Variants in PSD3 observed in about 807,000 individuals in gnomAD.
PSD3 encodes the protein PH and SEC7 domain-containing protein 3.
Under a neutral mutation model 105.5 loss-of-function variants are expected in PSD3, and 49 were observed. That is an observed-to-expected ratio of 0.46 (90% CI 0.37 to 0.59). The LOEUF is 0.59. PSD3 is among the 20% of genes least tolerant of loss of function. PSD3 has a pLI of 0.00. For missense variants in PSD3, 1,561 were observed against 1,263.8 expected, an observed-to-expected ratio of 1.24 and a Z score of -3.57; for synonymous variants, 557 against 457.8, an observed-to-expected ratio of 1.22 and a Z score of -2.77.
chr8:18,619,481 T>C (rs1370495369), intron 11 of PSD3, among the ~76,000 whole-genome samples: 1 of 151,994 alleles, frequency 6.6e-6, no homozygotes, highest in East Asian at 1.9e-4. Context: ...CCACCTCTAC[T>C]AAAAATACAA....
intron 8 of PSD3, among the ~76,000 whole-genome samples, chr8:18,796,697 C>T (rs957844037): frequency 6.6e-6 from 1 of 152,060 alleles, no homozygotes; most frequent in Non-Finnish European, 1.5e-5. Context: ...GGGGAGTCAC[C>T]CCTCCCCTAC....
At chr8:18,896,921 C>T (rs989354791) in intron 2 of PSD3, among the ~76,000 whole-genome samples, 1 of 152,086 alleles carries the variant, frequency 6.6e-6, no homozygotes, top group African/African-American at 2.4e-5. Context: ...AGCAATTCTC[C>T]TACCTCAGCC....
At chr8:18,951,161 GT>G (rs1823213222) in intron 1 of PSD3, among the ~76,000 whole-genome samples, 1 of 152,112 alleles carries the variant, frequency 6.6e-6, no homozygotes, top group South Asian at 2.1e-4. Flanking sequence ...TTGGGAGGCC[GT>G]GGTGGGAAGG....
intron 14 of PSD3, 50 bp from the exon 15 acceptor site, chr8:18,556,402 T>C (rs773091304): frequency 5.8e-6 from 9 of 1,557,880 alleles, no homozygotes; most frequent in Non-Finnish European, 7.9e-6. Flanking sequence ...AACAAGTCAA[T>C]AACAAAGCAC....
chr8:18,942,180 A>C (rs911276451), intron 1 of PSD3, among the ~76,000 whole-genome samples: 3 of 152,126 alleles, frequency 2.0e-5, no homozygotes, highest in African/African-American at 7.2e-5. Flanking sequence ...AATTATTTCA[A>C]CTTCAGTATG....
At chr8:18,750,036 G>A (rs1805344249) in intron 9 of PSD3, among the ~76,000 whole-genome samples, 1 of 152,168 alleles carries the variant, frequency 6.6e-6, no homozygotes, top group African/African-American at 2.4e-5. Flanking sequence ...CTAACCCACA[G>A]AACGATGAGA....
intron 9 of PSD3, among the ~76,000 whole-genome samples, chr8:18,682,121 G>T (rs1800424395): frequency 6.6e-6 from 1 of 152,070 alleles, no homozygotes; most frequent in South Asian, 2.1e-4. Flanking sequence ...TGGTATCTAT[G>T]CTGGATTCCA....
At chr8:18,807,809 G>A (rs1178733644) in intron 4 of PSD3, among the ~76,000 whole-genome samples, 1 of 151,996 alleles carries the variant, frequency 6.6e-6, no homozygotes, top group Non-Finnish European at 1.5e-5. Context: ...TTCCTTTATA[G>A]ACTTAACATT....
chr8:18,876,945 T>C (rs1817769694), intron 2 of PSD3, among the ~76,000 whole-genome samples: 1 of 152,240 alleles, frequency 6.6e-6, no homozygotes. Context: ...GTTGAGCACC[T>C]TGTCATGTGT....
chr8:18,942,832 G>A (rs1822636240), intron 1 of PSD3, among the ~76,000 whole-genome samples: 1 of 152,154 alleles, frequency 6.6e-6, no homozygotes, highest in African/African-American at 2.4e-5. Flanking sequence ...CAGCAGCCTA[G>A]TTAACTATTA....
chr8:18,573,674 A>G (rs1802292148), intron 13 of PSD3, among the ~76,000 whole-genome samples: 1 of 152,218 alleles, frequency 6.6e-6, no homozygotes, highest in African/African-American at 2.4e-5. Context: ...TATGTTAAAT[A>G]AAAGAAGCCA....
At chr8:19,008,880 T>C (rs780837044) in intron 1 of PSD3, among the ~76,000 whole-genome samples, 27 of 152,264 alleles carry the variant, frequency 1.8e-4, no homozygotes, top group Middle Eastern at 6.8e-3. Flanking sequence ...CTCCTTTTCT[T>C]AACAATCTCT....
chr8:18,645,257 A>G (rs1487755), intron 10 of PSD3, among the ~76,000 whole-genome samples: 40,218 of 152,172 alleles, frequency 0.26, 5,657 homozygotes, highest in South Asian at 0.46. Flanking sequence ...CTAACCACTG[A>G]AAATCTTTTT....
chr8:18,538,410 T>C (rs568680125), intron 15 of PSD3, among the ~76,000 whole-genome samples: 1 of 152,196 alleles, frequency 6.6e-6, no homozygotes, highest in African/African-American at 2.4e-5. Context: ...CAAGATAATA[T>C]CCACAGGACA....
intron 9 of PSD3, among the ~76,000 whole-genome samples, chr8:18,710,531 G>A (rs973924277): frequency 6.6e-6 from 1 of 152,004 alleles, no homozygotes; most frequent in African/African-American, 2.4e-5. Context: ...ACAACTCTAA[G>A]ATACCTAATC....
At chr8:18,874,120 T>G (rs2129457927) in intron 2 of PSD3, among the ~76,000 whole-genome samples, 1 of 152,220 alleles carries the variant, frequency 6.6e-6, no homozygotes, top group South Asian at 2.1e-4. Flanking sequence ...TTTTACTTTA[T>G]GAAAGAGGAC....
At chr8:18,709,905 T>C (rs562580129) in intron 9 of PSD3, among the ~76,000 whole-genome samples, 1 of 151,980 alleles carries the variant, frequency 6.6e-6, no homozygotes, top group Non-Finnish European at 1.5e-5. Flanking sequence ...GAAAAAACAC[T>C]GAAAATTAAA....
intron 8 of PSD3, among the ~76,000 whole-genome samples, chr8:18,782,569 G>A (rs989762053): frequency 6.6e-6 from 1 of 152,164 alleles, no homozygotes; most frequent in African/African-American, 2.4e-5. Context: ...GGCAACTCTG[G>A]GATGGATATG....
At chr8:18,851,636 G>C (rs921369975) in intron 4 of PSD3, among the ~76,000 whole-genome samples, 3 of 152,200 alleles carry the variant, frequency 2.0e-5, no homozygotes, top group Admixed American at 6.5e-5. Context: ...CTGTGCAGGC[G>C]GTTCCCATCA....
Sources: allele counts gnomAD v4.1 joint callset (sites outside exome capture counted in the v4.1 genomes callset), GRCh38; gene constraint gnomAD v4.1.1; transcripts MANE v1.5; gene names NCBI Gene and HGNC (gene_info 2026-07-23, HGNC 2026-07-21).